The following ZNF568 variants were observed in gnomAD, a reference collection of about 807,000 sequenced individuals.
ZNF568 encodes p53 inhibitor of SCO2 activation.
Under a neutral mutation model 18.1 loss-of-function variants are expected in ZNF568, and 11 were observed. That is an observed-to-expected ratio of 0.61 (90% CI 0.38 to 1.00). The LOEUF (loss-of-function observed/expected upper bound fraction) is 1.00. ZNF568 is among the 50% of genes least tolerant of loss of function. The pLI, the probability that ZNF568 is intolerant of heterozygous loss-of-function variation, is 0.01. For missense variants in ZNF568, 639 were observed against 768.2 expected (o/e 0.83, Z 1.99); for synonymous variants, 213 against 246.6 (o/e 0.86, Z 1.28).
At chr19:36,995,934 G>A (rs980271268) in intron 4 of ZNF568, among the ~76,000 whole-genome samples, 10 of 151,996 alleles carry the variant, frequency 6.6e-5, no homozygotes, top group East Asian at 1.9e-4. Context: ...GTCTATATCC[G>A]AATCTCTGAA....
intron 4 of ZNF568, among the ~76,000 whole-genome samples, chr19:36,933,902 TTTTTTTTTGTTTTG>T (rs2073734622): frequency 2.7e-5 from 1 of 37,700 alleles, no homozygotes; most frequent in Non-Finnish European, 5.7e-5. Context: ...TGGGTAGGTT[TTTTTTTTTGTTTTG>T]TTTTTTTGTT....
chr19:36,976,632 C>T (rs368806761), intron 7 of ZNF568, among the ~76,000 whole-genome samples: 2 of 152,078 alleles, frequency 1.3e-5, no homozygotes, highest in African/African-American at 2.4e-5. Context: ...TAGAGCTGGC[C>T]GGGTGCGGTG....
intron 6 of ZNF568, among the ~76,000 whole-genome samples, chr19:36,966,953 CGTAGCTTGCTTGTGCAATGGGGA>C (rs1477870454): frequency 2.6e-5 from 4 of 152,182 alleles, no homozygotes; most frequent in Admixed American, 2.6e-4. Context: ...GGCCATCAGC[CGTAGCTTGCTTGTGCAATGGGGA>C]GTAATTTCCT....
chr19:36,989,811 G>A (rs969584507), intron 2 of ZNF568, among the ~76,000 whole-genome samples: 4 of 152,108 alleles, frequency 2.6e-5, no homozygotes, highest in Non-Finnish European at 5.9e-5. Context: ...CTCCCAAAGT[G>A]TTGGGATGAC....
At chr19:36,976,461 T>A (rs544371900) in intron 7 of ZNF568, 2 of 152,212 alleles carry the variant, frequency 1.3e-5, no homozygotes, top group Admixed American at 6.5e-5. Context: ...TCTTGGCAAG[T>A]CATAGTTTCA....
At chr19:36,927,887 T>TATATATATATATATATATATATTATA (rs1491142078) in intron 4 of ZNF568, among the ~76,000 whole-genome samples, 1 of 39,070 alleles carries the variant, frequency 2.6e-5, no homozygotes. Context: ...TATATATATA[T>TATATATATATATATATATATATTATA]TATATATATA....
At position 36,970,937 on chromosome 19, in the gene ZNF568, GC is replaced by G. The variant is rs538071327; in HGVS notation, c.359-3481del. On this transcript the variant is annotated intron_variant, in intron 6 of 7. Coordinates refer to the ZNF568 transcript ENST00000427117. Reference sequence around the variant, plus strand: ...CATGGTTATAGAGTTGTACATAACAGCCTCAAAATTCTTTTAAACCCAGGCC... The same window carrying G: ...CATGGTTATAGAGTTGTACATAACAGCTCAAAATTCTTTTAAACCCAGGCC... Among the ~76,000 whole-genome samples, 6 of 152,072 alleles carry G rather than the reference GC, an allele frequency of 3.9e-5. No individual in the cohort carries two copies. In the South Asian group the frequency reaches 1.2e-3, roughly 32 times the overall value.
chr19:36,978,266 T>G (rs188314758), intron 7 of ZNF568, among the ~76,000 whole-genome samples: 3 of 152,340 alleles, frequency 2.0e-5, no homozygotes, highest in Non-Finnish European at 4.4e-5. Context: ...TGGAGTAAAG[T>G]GGTGAGCAAA....
chr19:36,929,639 C>T (rs1036878832), intron 4 of ZNF568, among the ~76,000 whole-genome samples: 61 of 147,972 alleles, frequency 4.1e-4, no homozygotes, highest in Admixed American at 9.5e-4. Context: ...GAGCCGAGAT[C>T]GCACCATTGC....
At chr19:36,935,557 A>C (rs1218535601) in intron 4 of ZNF568, among the ~76,000 whole-genome samples, 1 of 95,656 alleles carries the variant, frequency 1.0e-5, no homozygotes, top group East Asian at 2.2e-4. Context: ...GAGACTCTGT[A>C]TCAAAAAAAA....
At chr19:36,955,358 A>C (rs2074099891), downstream of ZNF568, among the ~76,000 whole-genome samples, 1 of 139,526 alleles carries the variant, frequency 7.2e-6, no homozygotes, top group Non-Finnish European at 1.6e-5. Context: ...ATTCCACTTA[A>C]GGCCCATAAG....
At chr19:36,942,671 A>G (rs1278786471) in intron 6 of ZNF568, among the ~76,000 whole-genome samples, 2 of 151,676 alleles carry the variant, frequency 1.3e-5, no homozygotes, top group East Asian at 3.9e-4. Context: ...CTCAGCTTCA[A>G]CAGTTACCGA....
chr19:36,980,801 C>T (rs2074324990), downstream of ZNF568, among the ~76,000 whole-genome samples: 1 of 152,100 alleles, frequency 6.6e-6, no homozygotes, highest in Non-Finnish European at 1.5e-5. Flanking sequence ...AATCATTTTC[C>T]ATGTGCACGA....
chr19:36,945,741 G>A (rs964573166), intron 6 of ZNF568, among the ~76,000 whole-genome samples: 2 of 112,342 alleles, frequency 1.8e-5, no homozygotes, highest in Non-Finnish European at 3.3e-5. Flanking sequence ...GATTATATGT[G>A]TGTGTGTGTG....
chr19:36,974,473 T>C, intron 7 of ZNF568: 1 of 1,535,984 alleles, frequency 6.5e-7, no homozygotes, highest in Non-Finnish European at 8.7e-7. Context: ...GGAGGTAAGT[T>C]GCATTTGACA....
At position 36,975,681 on chromosome 19, in the gene ZNF568, C is replaced by CTTTTTTTTTTTTTTTTTTT. The variant is rs1193440344; in HGVS notation, c.405+1218_405+1236dup. Among the ~76,000 whole-genome samples the CTTTTTTTTTTTTTTTTTTT allele has an allele frequency of 1.1e-4, 8 of 75,778 alleles. 2 individuals are homozygous for CTTTTTTTTTTTTTTTTTTT. The highest frequency in any genetic ancestry group is 5.2e-4 in the South Asian group (1 of 1,924). The allele number at this position is 75,778 out of a possible 152,430, so 49.7% of individuals were successfully genotyped here. A position where few individuals can be genotyped will look rare whatever the true frequency, so the allele number is the denominator to read the frequency against. On this transcript the variant is annotated intron_variant, in intron 7 of 7. Transcript: ENST00000427117. ...GCAGGCGTGAGCCACCGCGCCAAGA[C>CTTTTTTTTTTTTTTTTTTT]TTTTTTTTTTTTTTTTTTTTTGAGA... is the stretch of plus-strand genomic sequence containing the variant.
At chr19:36,987,596 CTTTGGGGTGCCTTCAA>C in intron 2 of ZNF568, among the ~76,000 whole-genome samples, 1 of 34,490 alleles carries the variant, frequency 2.9e-5, no homozygotes, top group South Asian at 8.4e-4. Flanking sequence ...TCCCTCAAGT[CTTTGGGGTGCCTTCAA>C]GTCTTTGGGG....
chr19:36,926,272 C>A (rs1180783242), intron 4 of ZNF568, among the ~76,000 whole-genome samples: 1 of 152,138 alleles, frequency 6.6e-6, no homozygotes, highest in Non-Finnish European at 1.5e-5. Context: ...TGAAGTCACT[C>A]ACACACCTAT....
exon 5 of ZNF568, chr19:36,996,451 G>C (rs1413957776): frequency 1.3e-6 from 2 of 1,536,330 alleles, no homozygotes; most frequent in Admixed American, 2.0e-5. Context: ...GGGTCATCAG[G>C]AGGGACATTT....
Sources: allele counts gnomAD v4.1 joint callset (sites outside exome capture counted in the v4.1 genomes callset), GRCh38; gene constraint gnomAD v4.1.1; transcripts MANE v1.5; gene names NCBI Gene and HGNC (gene_info 2026-07-23, HGNC 2026-07-21).